Variants in ZNF287 observed in about 807,000 individuals in gnomAD.
ZNF287 encodes the protein zinc finger protein with KRAB and SCAN domains 13.
Under a neutral mutation model 73.7 loss-of-function variants are expected in ZNF287, and 31 were observed. The ratio of observed to expected loss-of-function variants is 0.42; its 90% CI spans 0.32 to 0.57. The LOEUF (loss-of-function observed/expected upper bound fraction) is 0.57. Among genes scored for constraint, ZNF287 ranks in the 20% least tolerant of loss-of-function variants. The probability of loss-of-function intolerance (pLI) is 0.13; values close to 1 mark genes in which losing one functional copy is unlikely to be tolerated. For missense variants in ZNF287, 641 were observed against 909.3 expected (o/e 0.70, Z 3.79); for synonymous variants, 301 against 307.2 (o/e 0.98, Z 0.21).
chr17:16,559,666 C>A lies in ZNF287; in HGVS notation c.715+3480G>T, dbSNP rs74567981. Among the ~76,000 whole-genome samples the A allele has an allele frequency of 3.2e-3, 486 of 152,060 alleles. 4 individuals are homozygous for A. Among genetic ancestry groups the A allele is most frequent in the African/African-American group, 0.011 (440 of 41,444 alleles). ...CCATAAACAGTGAATACGCTTATGG[C>A]CCAGATCTTGGTTTCTAAGTACCAT... On this transcript the variant is annotated intron_variant, in intron 5 of 5. Coordinates refer to ENST00000395825, the MANE Select transcript of ZNF287 (RefSeq NM_020653.4).
chr17:16,552,594 A>C lies in ZNF287; in HGVS notation c.1548T>G (p.Thr516=). 6.2e-7 allele frequency: 1 copy of C among 1,614,064 alleles called. No individual in the cohort carries two copies. The highest frequency in any genetic ancestry group is 8.5e-7 in the Non-Finnish European group (1 of 1,179,982). ...KPYICNECGK[T]FSQSTHLLQH... is the part of the protein sequence containing the mutation. ...GAAGAAGGTGTGTACTCTGACTGAA[A>C]GTCTTCCCACATTCATTGCATATAT... Residue 516 remains threonine, a synonymous_variant, in exon 6 of 6, where the codon ACT becomes ACG. Transcript: ENST00000395825. The surrounding 1 kb of genome is among the most constrained non-coding windows in gnomAD (Gnocchi z 6.5).
intron 5 of ZNF287, chr17:16,557,992 T>TA (rs765516122): frequency 6.6e-6 from 1 of 152,162 alleles, no homozygotes; most frequent in Non-Finnish European, 1.5e-5. Context: ...TCTGATGATC[T>TA]AAAAAACTCC....
In ZNF287 at chr17:16,547,768, A is replaced by G. The variant is rs1347176997; in HGVS notation, c.*4088T>C. 6.6e-6 allele frequency among the ~76,000 whole-genome samples: 1 copy of G among 152,228 alleles called. No individual in the cohort carries two copies. The highest frequency in any genetic ancestry group is 2.4e-5 in the African/African-American group (1 of 41,460). On this transcript the variant is annotated 3_prime_UTR_variant, in exon 6 of 6. Transcript: ENST00000395825. ...ATTGAAAATGCAAGGCCAACTTGAG[A>G]TATCTTGTGTTAGAAGGCAATCAAG... is the stretch of plus-strand genomic sequence containing the variant.
chr17:16,559,375 T>C (rs1020862128), intron 5 of ZNF287: 31 of 152,190 alleles, frequency 2.0e-4, no homozygotes, highest in African/African-American at 7.5e-4. Context: ...GTTATACTAA[T>C]GTGAATGTGA....
At position 16,552,280 on chromosome 17, in the gene ZNF287, T is replaced by G; in HGVS notation, c.1862A>C (p.Lys621Thr). 6.2e-7 allele frequency: 1 copy of G among 1,613,950 alleles called. No homozygotes were observed. The change falls in exon 6 of 6, where the codon AAA becomes ACA. Residue 621 changes from lysine to threonine, a missense_variant. Physicochemically the swap from Lys to Thr is moderately conservative, Grantham distance 78. Coordinates refer to ENST00000395825, the MANE Select transcript of ZNF287 (RefSeq NM_020653.4). This position sits in a 1 kb window ranked among gnomAD's most constrained non-coding sequence, Gnocchi z 6.5. Reference protein sequence around the residue: ...HRTHTGEKPYKCSVCGKAFSQ... With the variant: ...HRTHTGEKPYTCSVCGKAFSQ... ...GAATGCTTTCCCACACACACTGCAT[T>G]TATATGGTTTCTCTCCAGTATGTGT...
At position 16,551,930 on chromosome 17, in the gene ZNF287, C is replaced by T. The variant is rs780014030; in HGVS notation, c.2212G>A (p.Gly738Ser). The T allele has an allele frequency of 7.4e-6, 12 of 1,613,804 alleles. No homozygotes were observed. In the Admixed American group the frequency reaches 1.8e-4, roughly 25 times the overall value. The part of the protein sequence containing the change: ...GEKPYACRIC[G>S]KTFTQSTNLI... ...TTTGTACTCTGGGTGAAGGTTTTAC[C>T]ACATATACGACATGCATAGGGTTTC... The change falls in exon 6 of 6, where the codon GGT (glycine) becomes AGT (serine). Residue 738 changes from glycine to serine, a missense_variant. Gly to Ser is a moderately conservative substitution (Grantham distance 56, BLOSUM62 0). This residue lies in a region of ZNF287 where 284 missense variants were observed against 466.8 expected (regional missense o/e 0.61). Coordinates refer to ENST00000395825, the MANE Select transcript of ZNF287 (RefSeq NM_020653.4).
chr17:16,559,715 T>C (rs958985557), intron 5 of ZNF287, among the ~76,000 whole-genome samples: 3 of 152,184 alleles, frequency 2.0e-5, no homozygotes, highest in African/African-American at 7.2e-5. Context: ...GAATCAGGGT[T>C]CCTTAGAGAA....
chr17:16,567,185 T>A (rs775358958), intron 2 of ZNF287, 144 bp downstream of exon 2: 6 of 1,055,790 alleles, frequency 5.7e-6, no homozygotes, highest in Non-Finnish European at 6.7e-6. Context: ...TAACCTTTGT[T>A]CTCCCCAGTT....
intron 5 of ZNF287, among the ~76,000 whole-genome samples, chr17:16,556,274 C>A (rs759009019): frequency 6.6e-6 from 1 of 151,938 alleles, no homozygotes; most frequent in Non-Finnish European, 1.5e-5. Flanking sequence ...CTTGAATTTA[C>A]AAATTACTTT....
At position 16,550,535 on chromosome 17, in the gene ZNF287, C is replaced by G. The variant is rs1030032478; in HGVS notation, c.*1321G>C. Among the ~76,000 whole-genome samples the G allele has an allele frequency of 6.6e-6, 1 of 152,140 alleles. No homozygotes were observed. The highest frequency in any genetic ancestry group is 2.4e-5 in the African/African-American group (1 of 41,434). On this transcript the variant is annotated 3_prime_UTR_variant, in exon 6 of 6. Coordinates refer to ENST00000395825, the MANE Select transcript of ZNF287 (RefSeq NM_020653.4). ...ATTTATATAGCTACACTATCACTTC[C>G]ACTTCCTTCTCTTGGGATATAGGTA... is the stretch of plus-strand genomic sequence containing the variant.
At position 16,548,713 on chromosome 17, in the gene ZNF287, T is replaced by C. The variant is rs1030729631; in HGVS notation, c.*3143A>G. Among the ~76,000 whole-genome samples the C allele has an allele frequency of 6.6e-6, 1 of 152,076 alleles. No individual in the cohort carries two copies. The highest frequency in any genetic ancestry group is 2.4e-5 in the African/African-American group (1 of 41,398). ...TACTCGGGAGGCTGAGGCAGGAGAA[T>C]GGCGTGAACCTGGGAGGCGGACCTT... On this transcript the variant is annotated 3_prime_UTR_variant, in exon 6 of 6. Transcript: ENST00000395825.
chr17:16,558,389 C>T (rs148595211), intron 5 of ZNF287: 75 of 151,954 alleles, frequency 4.9e-4, no homozygotes, highest in African/African-American at 1.7e-3. Flanking sequence ...CTTGCTCTCC[C>T]GGGATCAAGT....
rs183972407 is a variant in ZNF287 at position 16,553,211 on chromosome 17, G to T, written c.931C>A (p.Leu311Ile). Reference sequence around the variant, plus strand: ...TTTCTATATATATCATATTTACTAAGACATTCTTCTGTAGGATCATATTCT... The same window carrying T: ...TTTCTATATATATCATATTTACTAATACATTCTTCTGTAGGATCATATTCT... ...SQEYDPTEEC[L>I]SKYDIYRNNF... The change falls in exon 6 of 6, where the codon CTT (leucine) becomes ATT (isoleucine). Residue 311 changes from leucine (L) to isoleucine (I), a missense_variant. Leu to Ile is a conservative substitution (Grantham distance 5). Transcript: ENST00000395825. The T allele has an allele frequency of 2.5e-6, 4 of 1,601,992 alleles. No individual in the cohort carries two copies. The Admixed American group carries it at 5.0e-5, about 20-fold the overall frequency.
rs1323867330 is a variant in ZNF287 at position 16,547,821 on chromosome 17, A to G, written c.*4035T>C. 6.6e-6 allele frequency among the ~76,000 whole-genome samples: 1 copy of G among 152,230 alleles called. No homozygotes were observed. Among genetic ancestry groups the G allele is most frequent in the East Asian group, 1.9e-4 (1 of 5,202 alleles). Reference sequence around the variant, plus strand: ...TCCAAAGACTAGAGAGTGAATGTCAAAAGGACATAAGAGATACTTGAAGGG... The same window carrying G: ...TCCAAAGACTAGAGAGTGAATGTCAGAAGGACATAAGAGATACTTGAAGGG... On this transcript the variant is annotated 3_prime_UTR_variant, in exon 6 of 6. Coordinates refer to ENST00000395825, the MANE Select transcript of ZNF287 (RefSeq NM_020653.4).
chr17:16,556,258 G>A (rs7220867), intron 5 of ZNF287, among the ~76,000 whole-genome samples: 10,825 of 151,834 alleles, frequency 0.071, 1,301 homozygotes, highest in African/African-American at 0.25. Context: ...TTGCTTCCTT[G>A]TACTCCTTGA....
At chr17:16,563,972 T>TACA in intron 3 of ZNF287, 147 bp from the exon 4 acceptor site, 1 of 831,888 alleles carries the variant, frequency 1.2e-6, no homozygotes, top group Non-Finnish European at 1.8e-6. Context: ...AACCCTCCCC[T>TACA]GACATATGGA....
intron 4 of ZNF287, 76 bp downstream of exon 4, chr17:16,563,623 A>G (rs947331116): frequency 6.7e-7 from 1 of 1,488,514 alleles, no homozygotes; most frequent in African/African-American, 1.4e-5. Context: ...CCCCATTTTT[A>G]GCCAAGCATG....
Position 16,547,303 on chromosome 17 carries a change from G to A in ZNF287, c.*4553C>T, listed in dbSNP as rs943219709. ...AGACATATAATAGTTAAAACACAAC[G>A]TATTAGGTATACATCTAGTTGCTTT... is the stretch of plus-strand genomic sequence containing the variant. On this transcript the variant is annotated 3_prime_UTR_variant, in exon 6 of 6. Transcript: ENST00000395825. Among the ~76,000 whole-genome samples, 3 of 152,104 alleles carry A rather than the reference G, an allele frequency of 2.0e-5. No homozygotes were observed. The highest frequency in any genetic ancestry group is 4.8e-5 in the African/African-American group (2 of 41,414).
chr17:16,566,356 C>G (rs751266610), intron 3 of ZNF287, among the ~76,000 whole-genome samples, 169 bp downstream of exon 3: 1 of 152,158 alleles, frequency 6.6e-6, no homozygotes, highest in Non-Finnish European at 1.5e-5. Context: ...AGCACCTTTT[C>G]TTTATAGTAC....
Sources: gnomAD v4.1 joint callset for allele counts (sites outside exome capture counted in the v4.1 genomes callset) on GRCh38, gnomAD v4.1.1 for gene constraint, gnomAD v4.1.1 regional missense constraint, Gnocchi (gnomAD v3.1) non-coding constraint, MANE v1.5 for transcripts, NCBI Gene and HGNC (gene_info 2026-07-23, HGNC 2026-07-21) for gene names.